The following FAT1 variants were observed in gnomAD, a reference collection of about 807,000 sequenced individuals.
FAT1 encodes the protein FAT atypical cadherin 1.
Under a neutral mutation model 329.8 loss-of-function variants are expected in FAT1, and 171 were observed. The ratio of observed to expected loss-of-function variants is 0.52; its 90% CI spans 0.46 to 0.59. The LOEUF is 0.59. FAT1 is among the 20% of genes least tolerant of loss of function. The pLI is 0.00. For synonymous variants in FAT1, 2,233 were observed against 2,228.6 expected (o/e 1.00, Z -0.06); for missense variants, 5,672 against 5,774.4 (o/e 0.98, Z 0.57).
At chr4:186,644,489 G>A (rs1453811517) in intron 3 of FAT1, among the ~76,000 whole-genome samples, 1 of 151,948 alleles carries the variant, frequency 6.6e-6, no homozygotes, top group Non-Finnish European at 1.5e-5. Context: ...GGTGGGCTGA[G>A]ACAGCAGACA....
intron 1 of FAT1, among the ~76,000 whole-genome samples, chr4:186,723,060 G>A (rs1745531340): frequency 6.6e-6 from 1 of 152,112 alleles, no homozygotes; most frequent in South Asian, 2.1e-4. Context: ...TTTTTTAAAG[G>A]CAATGAAGGA....
intron 2 of FAT1, among the ~76,000 whole-genome samples, chr4:186,684,132 T>G (rs1743353727): frequency 6.6e-6 from 1 of 152,254 alleles, no homozygotes; most frequent in African/African-American, 2.4e-5. Context: ...TCTTGTTTAC[T>G]GTATTTAAGA....
intron 2 of FAT1, among the ~76,000 whole-genome samples, chr4:186,668,133 G>A (rs1742545737): frequency 1.3e-5 from 2 of 152,130 alleles, no homozygotes; most frequent in Admixed American, 6.5e-5. Context: ...GCACAAAGTG[G>A]GTGGAAGGAA....
At chr4:186,722,099 T>C (rs1356478152) in intron 1 of FAT1, among the ~76,000 whole-genome samples, 2 of 152,180 alleles carry the variant, frequency 1.3e-5, no homozygotes, top group East Asian at 1.9e-4. Flanking sequence ...CGACCTCCCA[T>C]AGGGCTGGGT....
chr4:186,639,601 T>C (rs1741001104), intron 4 of FAT1, 121 bp downstream of exon 4: 1 of 650,194 alleles, frequency 1.5e-6, no homozygotes, highest in African/African-American at 1.9e-5. Context: ...AACCAGTAAA[T>C]AATATTAATA....
At chr4:186,706,339 C>T (rs1324029697) in intron 2 of FAT1, among the ~76,000 whole-genome samples, 1 of 152,078 alleles carries the variant, frequency 6.6e-6, no homozygotes, top group South Asian at 2.1e-4. Flanking sequence ...ACTCACTTTA[C>T]GCCACTTAAA....
At chr4:186,692,062 C>A (rs1743793274) in intron 2 of FAT1, among the ~76,000 whole-genome samples, 3 of 145,306 alleles carry the variant, frequency 2.1e-5, no homozygotes, top group South Asian at 4.2e-4. Flanking sequence ...TGTTTTTCTT[C>A]CCCCCCATGT....
In FAT1 at chr4:186,619,112, A is replaced by G. The variant is rs1739889430; in HGVS notation, c.7474T>C (p.Phe2492Leu). Residue 2492 changes from phenylalanine to leucine, a missense_variant, in exon 10 of 27, where the codon TTC becomes CTC. Transcript: ENST00000441802. ...TCCACTTCATATTCGTTCTGAAGGAAAGCAGGACTGTGCAAATTGCCTCCA... is the reference window on the plus strand; with the variant it reads ...TCCACTTCATATTCGTTCTGAAGGAGAGCAGGACTGTGCAAATTGCCTCCA... ...VIGGNLHSPA[F>L]LQNEYEVELA... is the part of the protein sequence containing the mutation. 3 of 1,613,978 alleles carry G rather than the reference A, an allele frequency of 1.9e-6. No individual in the cohort carries two copies. The highest frequency in any genetic ancestry group is 2.5e-6 in the Non-Finnish European group (3 of 1,179,894).
At chr4:186,654,116 G>A (rs572407406) in intron 3 of FAT1, among the ~76,000 whole-genome samples, 12 of 152,132 alleles carry the variant, frequency 7.9e-5, no homozygotes, top group Non-Finnish European at 1.3e-4. Context: ...ACTGAGAAGC[G>A]GCAGCCAGGA....
chr4:186,687,208 G>A (rs1293166017), intron 2 of FAT1, among the ~76,000 whole-genome samples: 1 of 152,112 alleles, frequency 6.6e-6, no homozygotes, highest in African/African-American at 2.4e-5. Flanking sequence ...CAGAACCACA[G>A]CCACAAAACT....
chr4:186,609,470 G>A (rs1739295794), intron 15 of FAT1, 150 bp from the exon 16 acceptor site: 3 of 953,668 alleles, frequency 3.1e-6, no homozygotes, highest in East Asian at 5.3e-5. Flanking sequence ...AGGCTGGAGT[G>A]CAGTGGCACA....
intron 3 of FAT1, among the ~76,000 whole-genome samples, chr4:186,660,559 CTG>C (rs1033598226): frequency 4.6e-5 from 7 of 152,186 alleles, no homozygotes; most frequent in African/African-American, 1.7e-4. Context: ...AAGAAAGCCT[CTG>C]TGTGCATTGC....
intron 2 of FAT1, among the ~76,000 whole-genome samples, chr4:186,672,346 GTATACTAGTGTACCGTACAGGT>G (rs1197172296): frequency 6.6e-6 from 1 of 152,194 alleles, no homozygotes; most frequent in Admixed American, 6.5e-5. Flanking sequence ...CTGCTAGGCA[GTATACTAGTGTACCGTACAGGT>G]GCCTCTCTGC....
At chr4:186,706,521 A>G in intron 2 of FAT1, 42 bp downstream of exon 2, 1 of 1,518,784 alleles carries the variant, frequency 6.6e-7, no homozygotes, top group Non-Finnish European at 8.8e-7. Context: ...AAAAAAAAAA[A>G]TGGAAAAGGG....
rs1741384258 is a variant in FAT1 at position 186,646,345 on chromosome 4, C to T, written c.3581-6562G>A. 2.6e-5 allele frequency among the ~76,000 whole-genome samples: 4 copies of T among 152,170 alleles called. No homozygotes were observed. In the South Asian group the frequency reaches 8.3e-4, roughly 32 times the overall value. On this transcript the variant is annotated intron_variant, in intron 3 of 26. Coordinates refer to ENST00000441802, the MANE Select transcript of FAT1 (RefSeq NM_005245.4). ...CCTGCAATGATTTTGGCCTTTCCGC[C>T]CTTTTATTTTACAATAATTCATGAA...
At chr4:186,641,782 G>A (rs1200832170) in intron 3 of FAT1, among the ~76,000 whole-genome samples, 7 of 152,120 alleles carry the variant, frequency 4.6e-5, no homozygotes, top group Admixed American at 1.3e-4. Context: ...TGAGGCAGGC[G>A]GATCACCTGA....
At chr4:186,631,347 C>T (rs1401421122) in intron 7 of FAT1, among the ~76,000 whole-genome samples, 1 of 151,738 alleles carries the variant, frequency 6.6e-6, no homozygotes, top group Non-Finnish European at 1.5e-5. Context: ...GCTGACTCCT[C>T]TGCTCTTCAA....
intron 2 of FAT1, among the ~76,000 whole-genome samples, chr4:186,668,102 CTAGGCGCTATTA>C (rs1332608024): frequency 2.0e-5 from 3 of 152,156 alleles, no homozygotes; most frequent in East Asian, 3.9e-4. Context: ...GGTTCAGTAC[CTAGGCGCTATTA>C]TAGGCACTGC....
chr4:186,678,816 C>T (rs1464596227), intron 2 of FAT1, among the ~76,000 whole-genome samples: 3 of 151,962 alleles, frequency 2.0e-5, no homozygotes, highest in East Asian at 1.9e-4. Context: ...ACCAGAAATA[C>T]AATTTGACCC....
Sources: gnomAD v4.1 joint callset for allele counts (sites outside exome capture counted in the v4.1 genomes callset) on GRCh38, gnomAD v4.1.1 for gene constraint, MANE v1.5 for transcripts, NCBI Gene and HGNC (gene_info 2026-07-23, HGNC 2026-07-21) for gene names.